FAM193B: variants seen among roughly 807,000 people sequenced by gnomAD.
FAM193B encodes the protein family with sequence similarity 193 member B.
FAM193B carries 27 observed loss-of-function variants against 70.7 expected under a neutral mutation model. The ratio of observed to expected loss-of-function variants is 0.38; its 90% confidence interval spans 0.28 to 0.53. The LOEUF (loss-of-function observed/expected upper bound fraction) is 0.53. Among genes scored for constraint, FAM193B ranks in the 20% least tolerant of loss-of-function variants. The pLI, the probability that FAM193B is intolerant of heterozygous loss-of-function variation, is 0.81. For missense variants in FAM193B, 1,022 were observed against 1,072.5 expected (o/e 0.95, Z 0.66); for synonymous variants, 448 against 436.0 (o/e 1.03, Z -0.34).
At chr5:177,533,463 C>G (rs1371388346) in intron 4 of FAM193B, among the ~76,000 whole-genome samples, 1 of 152,100 alleles carries the variant, frequency 6.6e-6, no homozygotes, top group African/African-American at 2.4e-5. Context: ...CGCAACCACG[C>G]CCGGCTAATT....
intron 1 of FAM193B, among the ~76,000 whole-genome samples, chr5:177,543,940 G>A (rs756552802): frequency 2.6e-5 from 4 of 152,224 alleles, no homozygotes; most frequent in East Asian, 1.9e-4. Flanking sequence ...CACAAAGGCT[G>A]ATGGAACTGA....
chr5:177,554,454 G>A lies in FAM193B; in HGVS notation c.5C>T (p.Thr2Met), dbSNP rs1229395059. The A allele has an allele frequency of 9.8e-7, 1 of 1,025,472 alleles. No individual in the cohort carries two copies. The highest frequency in any genetic ancestry group is 1.2e-6 in the Non-Finnish European group (1 of 864,276). 63.5% of individuals were successfully genotyped at this position (1,025,472 alleles called of 1,614,324 possible). MTRRRSRPSGGA... is the reference protein window; with the variant it reads MMRRRSRPSGGA... Reference sequence around the variant, plus strand: ...GCCGCTCGGCCTGCTCCGCCTCCGCGTCATGCCGCCGCTCGCGCCGCTCCC... The same window carrying A: ...GCCGCTCGGCCTGCTCCGCCTCCGCATCATGCCGCCGCTCGCGCCGCTCCC... Residue 2 changes from threonine (T) to methionine (M), a missense_variant, in exon 1 of 9, where the codon ACG becomes ATG. Transcript: ENST00000514747.
chr5:177,549,329 A>G (rs1227847082), intron 1 of FAM193B, among the ~76,000 whole-genome samples: 4 of 151,526 alleles, frequency 2.6e-5, no homozygotes, highest in Non-Finnish European at 5.9e-5. Flanking sequence ...AGTAGCTGGG[A>G]CTATAGGTGC....
intron 1 of FAM193B, chr5:177,553,682 A>G: frequency 7.8e-7 from 1 of 1,287,320 alleles, no homozygotes; most frequent in Non-Finnish European, 1.0e-6. Context: ...TTTCCACCTC[A>G]GTGCAGAAAC....
chr5:177,539,266 G>T, intron 1 of FAM193B, 119 bp from the exon 2 acceptor site: 1 of 1,280,316 alleles, frequency 7.8e-7, no homozygotes, highest in Non-Finnish European at 1.0e-6. Context: ...GCACTTTTTA[G>T]ACATAATTAA....
chr5:177,533,455 C>G (rs966392378), intron 4 of FAM193B, among the ~76,000 whole-genome samples: 1 of 152,076 alleles, frequency 6.6e-6, no homozygotes, highest in Non-Finnish European at 1.5e-5. Flanking sequence ...CAGGCGCCCG[C>G]AACCACGCCC....
In FAM193B at chr5:177,532,529, G is replaced by A. The variant is rs940695682; in HGVS notation, c.1189C>T (p.Arg397Ter). ...GTGGAGGATGAGGTGCAGGAGCTTC[G>A]CTCAGAGCTGCTATCCTCTTCCTCA... ...LGEEEDSSSE[R>*]SSCTSSSTHQ... Residue 397 changes from arginine to a stop codon, truncating the protein, a stop_gained, in exon 5 of 9, where the codon CGA (arginine) becomes TGA (stop). Coordinates refer to ENST00000514747, the MANE Select transcript of FAM193B (RefSeq NM_001190946.3). LOFTEE classifies it high-confidence loss of function. This position sits in a 1 kb window ranked among gnomAD's most constrained non-coding sequence, Gnocchi z 4.9. The A allele has an allele frequency of 1.9e-6, 3 of 1,608,018 alleles. No individual in the cohort carries two copies. The highest frequency in any genetic ancestry group is 2.7e-5 in the African/African-American group (2 of 74,830).
intron 1 of FAM193B, among the ~76,000 whole-genome samples, chr5:177,547,564 G>A (rs994759908): frequency 1.3e-5 from 2 of 151,960 alleles, no homozygotes; most frequent in Admixed American, 1.3e-4. Context: ...GATTACAGGC[G>A]TGAGCCACCG....
At chr5:177,530,270 C>G (rs1763248970) in intron 5 of FAM193B, among the ~76,000 whole-genome samples, 1 of 152,178 alleles carries the variant, frequency 6.6e-6, no homozygotes, top group African/African-American at 2.4e-5. Flanking sequence ...CTGGTAAATG[C>G]TAGCCCTGCA....
At chr5:177,549,436 T>A (rs1184066033) in intron 1 of FAM193B, among the ~76,000 whole-genome samples, 1 of 151,928 alleles carries the variant, frequency 6.6e-6, no homozygotes, top group African/African-American at 2.4e-5. Context: ...CTCGTGATCC[T>A]CCCGCCTCGG....
At chr5:177,544,099 A>G (rs1050949077) in intron 1 of FAM193B, among the ~76,000 whole-genome samples, 1 of 152,238 alleles carries the variant, frequency 6.6e-6, no homozygotes, top group African/African-American at 2.4e-5. Context: ...GATCTCCTCA[A>G]AAAAGCTCCA....
chr5:177,539,281 T>C, intron 1 of FAM193B, 134 bp from the exon 2 acceptor site: 1 of 1,126,662 alleles, frequency 8.9e-7, no homozygotes, highest in Non-Finnish European at 1.2e-6. Context: ...AATTAAAATT[T>C]AGTCCTTGTA....
intron 1 of FAM193B, among the ~76,000 whole-genome samples, chr5:177,547,874 TGGCCCACA>T (rs888965809): frequency 6.6e-6 from 1 of 152,194 alleles, no homozygotes; most frequent in Non-Finnish European, 1.5e-5. Flanking sequence ...TGCAGCATGT[TGGCCCACA>T]GGCTGCACAA....
At chr5:177,523,348 AT>A in intron 7 of FAM193B, 3 of 253,478 alleles carry the variant, frequency 1.2e-5, no homozygotes, top group South Asian at 3.5e-5. Flanking sequence ...ATGTATTGCT[AT>A]TTTTTGTGTT....
intron 1 of FAM193B, 59 bp from the exon 2 acceptor site, chr5:177,539,206 T>C: frequency 1.4e-6 from 2 of 1,478,374 alleles, no homozygotes; most frequent in Non-Finnish European, 1.8e-6. Context: ...TTCAAAATAA[T>C]AGTAACAATA....
intron 5 of FAM193B, among the ~76,000 whole-genome samples, chr5:177,530,360 C>T (rs947288789): frequency 6.6e-6 from 1 of 152,208 alleles, no homozygotes; most frequent in Admixed American, 6.5e-5. Context: ...AAATCCCATC[C>T]TGGCTCAGTG....
At chr5:177,537,348 A>G (rs745446331) in intron 3 of FAM193B, among the ~76,000 whole-genome samples, 4 of 152,236 alleles carry the variant, frequency 2.6e-5, no homozygotes, top group Non-Finnish European at 4.4e-5. Context: ...CAATAACCCA[A>G]GAGTTTTGTC....
At chr5:177,551,161 A>C (rs1325080976) in intron 1 of FAM193B, among the ~76,000 whole-genome samples, 4 of 152,178 alleles carry the variant, frequency 2.6e-5, no homozygotes, top group Non-Finnish European at 5.9e-5. Context: ...GGTCAGAGAG[A>C]AGCAACTTGC....
At chr5:177,544,399 C>T (rs1765181272) in intron 1 of FAM193B, among the ~76,000 whole-genome samples, 1 of 152,138 alleles carries the variant, frequency 6.6e-6, no homozygotes, top group Non-Finnish European at 1.5e-5. Flanking sequence ...GAAGAGGAAG[C>T]CACTTTTTTT....
Sources: gnomAD v4.1 joint callset for allele counts (sites outside exome capture counted in the v4.1 genomes callset) on GRCh38, gnomAD v4.1.1 for gene constraint, Gnocchi (gnomAD v3.1) non-coding constraint, MANE v1.5 for transcripts, NCBI Gene and HGNC (gene_info 2026-07-23, HGNC 2026-07-21) for gene names.